WSCD2: variants seen among roughly 807,000 people sequenced by gnomAD.
The protein encoded by WSCD2 is WSC domain sialate O sulfotransferase 2, also known as sialate:O-sulfotransferase 2.
Under a neutral mutation model 55.7 loss-of-function variants are expected in WSCD2, and 28 were observed. That is an observed-to-expected ratio of 0.50 (90% CI 0.37 to 0.69). WSCD2 has a LOEUF of 0.69. WSCD2 is among the 30% of genes least tolerant of loss of function. The pLI is 0.00. For missense variants in WSCD2, 616 were observed against 762.1 expected (o/e 0.81, Z 2.26); for synonymous variants, 301 against 301.9 (o/e 1.00, Z 0.03).
intron 1 of WSCD2, among the ~76,000 whole-genome samples, chr12:108,174,134 A>C (rs537364238): frequency 3.0e-4 from 46 of 152,128 alleles, no homozygotes; most frequent in Non-Finnish European, 5.4e-4. Flanking sequence ...CCCAGAGCTG[A>C]CAAGTGGCTG....
intron 1 of WSCD2, among the ~76,000 whole-genome samples, chr12:108,172,476 T>TA (rs1328831189): frequency 1.3e-5 from 2 of 152,148 alleles, no homozygotes; most frequent in East Asian, 1.9e-4. Flanking sequence ...TATTTGGAAA[T>TA]AGAGTCTTTG....
rs1462360652 is a variant in WSCD2 at position 108,250,169 on chromosome 12, C to CGTGTGTG, written c.*1826_*1827insGTGTGTG. On this transcript the variant is annotated 3_prime_UTR_variant, in exon 9 of 9. Transcript: ENST00000547525. The stretch of plus-strand genomic sequence containing the variant: ...ACAGGTTCACAAATGGGATGTTTTC[C>CGTGTGTG]TAGTGTGTGTGTGTGTGTGTGTGTG... 2 of 91,004 alleles carry CGTGTGTG rather than the reference C, an allele frequency of 2.2e-5. No individual in the cohort carries two copies. The highest frequency in any genetic ancestry group is 5.9e-4 in the East Asian group (2 of 3,394). The allele number at this position is 91,004 out of a possible 1,614,324, so 5.6% of individuals were successfully genotyped here. A position where few individuals can be genotyped will look rare whatever the true frequency, so the allele number is the denominator to read the frequency against.
chr12:108,234,969 G>A (rs144994171), intron 7 of WSCD2, among the ~76,000 whole-genome samples: 24 of 152,284 alleles, frequency 1.6e-4, no homozygotes, highest in African/African-American at 5.5e-4. Flanking sequence ...GTTGAAAGTA[G>A]AGAATGGGGA....
intron 1 of WSCD2, among the ~76,000 whole-genome samples, chr12:108,185,212 T>A (rs568124723): frequency 6.6e-6 from 1 of 152,310 alleles, no homozygotes; most frequent in East Asian, 1.9e-4. Flanking sequence ...ACAAGCATTT[T>A]TCAGCTCAGC....
chr12:108,229,616 T>C (rs1038275254), intron 6 of WSCD2, among the ~76,000 whole-genome samples: 1 of 152,374 alleles, frequency 6.6e-6, no homozygotes, highest in South Asian at 2.1e-4. Flanking sequence ...AGGTAGGCCA[T>C]GACAGTTCTG....
At chr12:108,188,454 C>T (rs538545484) in intron 1 of WSCD2, among the ~76,000 whole-genome samples, 34 of 152,170 alleles carry the variant, frequency 2.2e-4, no homozygotes, top group Non-Finnish European at 4.4e-4. Context: ...TACAGCACAC[C>T]AATGAATGGA....
At chr12:108,242,289 G>A (rs560054970) in intron 8 of WSCD2, among the ~76,000 whole-genome samples, 3 of 152,356 alleles carry the variant, frequency 2.0e-5, no homozygotes, top group Admixed American at 1.3e-4. Context: ...TCTTCTCAGT[G>A]AGGGGGTGGA....
At chr12:108,161,841 G>T (rs1879099539) in intron 1 of WSCD2, among the ~76,000 whole-genome samples, 1 of 152,180 alleles carries the variant, frequency 6.6e-6, no homozygotes, top group Non-Finnish European at 1.5e-5. Context: ...ATGTGATGTG[G>T]GTGAGTTGCT....
intron 1 of WSCD2, among the ~76,000 whole-genome samples, chr12:108,151,041 A>G (rs1364501783): frequency 5.3e-4 from 80 of 151,822 alleles, no homozygotes; most frequent in Non-Finnish European, 7.4e-5. Context: ...GGCTGAGTCC[A>G]GTGTGGTCAG....
intron 1 of WSCD2, among the ~76,000 whole-genome samples, chr12:108,193,522 G>C (rs1350663710): frequency 1.3e-5 from 2 of 152,198 alleles, no homozygotes; most frequent in Non-Finnish European, 2.9e-5. Flanking sequence ...TAGTTGGACA[G>C]ATTAATGAAT....
intron 1 of WSCD2, among the ~76,000 whole-genome samples, chr12:108,135,506 C>T (rs376532489): frequency 6.6e-6 from 1 of 152,248 alleles, no homozygotes; most frequent in African/African-American, 2.4e-5. Flanking sequence ...ACAATAACTC[C>T]TCTTCCTCCT....
intron 1 of WSCD2, among the ~76,000 whole-genome samples, chr12:108,184,553 G>A (rs1031433570): frequency 2.0e-5 from 3 of 152,150 alleles, no homozygotes; most frequent in Admixed American, 6.5e-5. Flanking sequence ...AGGGAGCAGC[G>A]TGTGCTCTGG....
intron 1 of WSCD2, among the ~76,000 whole-genome samples, chr12:108,174,966 G>C (rs1218927184): frequency 6.6e-6 from 1 of 152,182 alleles, no homozygotes; most frequent in East Asian, 1.9e-4. Context: ...ACTGTGGTGG[G>C]AGCCAGGGAC....
chr12:108,211,516 G>A (rs1886137413), intron 4 of WSCD2, among the ~76,000 whole-genome samples: 1 of 151,968 alleles, frequency 6.6e-6, no homozygotes, highest in Non-Finnish European at 1.5e-5. Context: ...GGTGGCTTTA[G>A]CAGAAAGTTA....
At chr12:108,246,170 T>G (rs1042824010) in intron 8 of WSCD2, among the ~76,000 whole-genome samples, 1 of 152,214 alleles carries the variant, frequency 6.6e-6, no homozygotes, top group African/African-American at 2.4e-5. Context: ...TCACTTCACC[T>G]CTCTGAGCCT....
chr12:108,238,160 T>A (rs1889417623), intron 7 of WSCD2, among the ~76,000 whole-genome samples: 1 of 152,248 alleles, frequency 6.6e-6, no homozygotes, highest in South Asian at 2.1e-4. Context: ...TCTCTCTCTC[T>A]CAAGCTCCCA....
chr12:108,248,699 T>C lies in WSCD2; in HGVS notation c.*356T>C. 9.6e-7 allele frequency: 1 copy of C among 1,037,784 alleles called. No homozygotes were observed. Among genetic ancestry groups the C allele is most frequent in the Non-Finnish European group, 1.2e-6 (1 of 861,196 alleles). 64.3% of individuals were successfully genotyped at this position (1,037,784 alleles called of 1,614,324 possible). A position where few individuals can be genotyped will look rare whatever the true frequency, so the allele number is the denominator to read the frequency against. On this transcript the variant is annotated 3_prime_UTR_variant, in exon 9 of 9. Coordinates refer to ENST00000547525, the MANE Select transcript of WSCD2 (RefSeq NM_014653.4). This position sits in a 1 kb window ranked among gnomAD's most constrained non-coding sequence, Gnocchi z 4.3. ...TCATGGAGACTTGCTGGATGCCCCATGGCAATTGTCAAGGCTCTTGATGCA... is the reference window on the plus strand; with the variant it reads ...TCATGGAGACTTGCTGGATGCCCCACGGCAATTGTCAAGGCTCTTGATGCA...
intron 4 of WSCD2, among the ~76,000 whole-genome samples, chr12:108,215,460 G>C (rs1476594261): frequency 6.6e-6 from 1 of 152,162 alleles, no homozygotes; most frequent in Non-Finnish European, 1.5e-5. Flanking sequence ...TTACAGAGTA[G>C]CTTTTTCCTA....
chr12:108,148,278 T>C (rs1284553278), intron 1 of WSCD2, among the ~76,000 whole-genome samples: 2 of 152,164 alleles, frequency 1.3e-5, no homozygotes, highest in South Asian at 2.1e-4. Context: ...GGGGAAGGGG[T>C]GGCAAAACCA....
Sources: gnomAD v4.1 joint callset for allele counts (sites outside exome capture counted in the v4.1 genomes callset) on GRCh38, gnomAD v4.1.1 for gene constraint, Gnocchi (gnomAD v3.1) non-coding constraint, MANE v1.5 for transcripts, NCBI Gene and HGNC (gene_info 2026-07-23, HGNC 2026-07-21) for gene names.